Variants in DACH1 observed in about 807,000 individuals in gnomAD.
DACH1 encodes dachshund homolog 1.
Under a neutral mutation model 54.2 loss-of-function variants are expected in DACH1, and 12 were observed. The observed-to-expected ratio is 0.22, with a 90% CI of 0.14 to 0.36. DACH1 has a LOEUF of 0.36. DACH1 is among the 10% of genes least tolerant of loss of function. DACH1 has a pLI of 1.00. For synonymous variants in DACH1, 386 were observed against 366.2 expected, an observed-to-expected ratio of 1.05 and a Z score of -0.62; for missense variants, 805 against 929.8, an observed-to-expected ratio of 0.87 and a Z score of 1.75.
chr13:71,519,307 G>A (rs964496767), intron 6 of DACH1, among the ~76,000 whole-genome samples: 18 of 151,686 alleles, frequency 1.2e-4, no homozygotes, highest in African/African-American at 3.6e-4. Context: ...ATTCTATGAC[G>A]GGAAATAGTA....
At chr13:71,666,221 G>T (rs1334135087) in intron 2 of DACH1, among the ~76,000 whole-genome samples, 1 of 152,100 alleles carries the variant, frequency 6.6e-6, no homozygotes, top group African/African-American at 2.4e-5. Flanking sequence ...CTGACAAGTT[G>T]TTTTTACTTC....
intron 6 of DACH1, among the ~76,000 whole-genome samples, chr13:71,543,122 AAAC>A (rs2138336912): frequency 6.6e-6 from 1 of 152,280 alleles, no homozygotes; most frequent in Admixed American, 6.5e-5. Context: ...TTAAGTCAGG[AAAC>A]AACAAGGTCT....
Position 71,866,066 on chromosome 13 carries a change from C to T in DACH1, c.704G>A (p.Arg235Gln). Residue 235 changes from arginine to glutamine, a missense_variant, in exon 1 of 11, where the codon CGG becomes CAG. By Grantham distance (43) the Arg-to-Gln change is conservative. Transcript: ENST00000613252. The part of the protein sequence containing the change: ...GLHTVYTKLK[R>Q]LEITPVVCNV... The stretch of plus-strand genomic sequence containing the variant: ...GCACACCACCGGCGTGATCTCCAGC[C>T]GCTTCAGCTTGGTGTAGACCGTATG... The T allele has an allele frequency of 1.2e-6, 2 of 1,613,886 alleles. No individual in the cohort carries two copies. Among genetic ancestry groups the T allele is most frequent in the Non-Finnish European group, 8.5e-7 (1 of 1,179,978 alleles).
chr13:71,760,843 C>A (rs1289173096), intron 1 of DACH1, among the ~76,000 whole-genome samples: 1 of 152,124 alleles, frequency 6.6e-6, no homozygotes, highest in Non-Finnish European at 1.5e-5. Flanking sequence ...CTTCACTACC[C>A]ATCATCCACA....
At chr13:71,601,574 A>T (rs1186899618) in intron 3 of DACH1, among the ~76,000 whole-genome samples, 1 of 151,994 alleles carries the variant, frequency 6.6e-6, no homozygotes, top group Non-Finnish European at 1.5e-5. Context: ...TATTGGAGGA[A>T]CACCTGTAGG....
intron 3 of DACH1, among the ~76,000 whole-genome samples, chr13:71,579,319 TAAC>T (rs1885721420): frequency 6.6e-6 from 1 of 152,140 alleles, no homozygotes. Context: ...GTGCTGAAAG[TAAC>T]AATAAGTGAA....
chr13:71,526,427 C>T (rs933280675), intron 6 of DACH1, among the ~76,000 whole-genome samples: 2 of 151,886 alleles, frequency 1.3e-5, no homozygotes, highest in East Asian at 1.9e-4. Context: ...TAAAAGACAA[C>T]GGAAGTTGAA....
Position 71,866,524 on chromosome 13 carries a change from G to A in DACH1, c.246C>T (p.Ser82=), listed in dbSNP as rs1168019318. The change falls in exon 1 of 11, where the codon AGC becomes AGT. Residue 82 remains serine (S), a synonymous_variant. Transcript: ENST00000613252. ...TGCCGCTGCTGCCGCCGCCGCCTCC[G>A]CTGCCGCCGCCGCCGCCGCCGCCGC... is the stretch of plus-strand genomic sequence containing the variant. ...STGGGGGGGG[S]GGGGGSSGNG... 2 of 1,225,236 alleles carry A rather than the reference G, an allele frequency of 1.6e-6. No individual in the cohort carries two copies. Among genetic ancestry groups the A allele is most frequent in the Non-Finnish European group, 2.0e-6 (2 of 989,010 alleles). The allele number at this position is 1,225,236 out of a possible 1,614,324, so 75.9% of individuals were successfully genotyped here.
intron 1 of DACH1, chr13:71,704,629 C>A (rs759424148): frequency 7.4e-6 from 3 of 406,528 alleles, no homozygotes; most frequent in Non-Finnish European, 4.9e-6. Flanking sequence ...GCTGCTGGAA[C>A]CTCTTCCCTG....
At chr13:71,561,802 T>G (rs1884601890) in intron 4 of DACH1, among the ~76,000 whole-genome samples, 1 of 152,114 alleles carries the variant, frequency 6.6e-6, no homozygotes, top group African/African-American at 2.4e-5. Flanking sequence ...CTTTTAATTT[T>G]TCAATGATGT....
At chr13:71,466,718 C>T (rs559292021) in intron 10 of DACH1, among the ~76,000 whole-genome samples, 2 of 151,944 alleles carry the variant, frequency 1.3e-5, no homozygotes, top group Admixed American at 6.6e-5. Context: ...TCACACACAA[C>T]GTCTGTGGTC....
chr13:71,588,209 T>G lies in DACH1; in HGVS notation c.1127-15197A>C, dbSNP rs1357002420. Among the ~76,000 whole-genome samples, 3 of 152,082 alleles carry G rather than the reference T, an allele frequency of 2.0e-5. No homozygotes were observed. The South Asian group carries it at 6.2e-4, about 31-fold the overall frequency. On this transcript the variant is annotated intron_variant, in intron 3 of 10. Transcript: ENST00000613252. Reference sequence around the variant, plus strand: ...TATGAATTTTTCTTTGTCATGAAAATACTGCAGCTTTATCACAGGACATAG... The same window carrying G: ...TATGAATTTTTCTTTGTCATGAAAAGACTGCAGCTTTATCACAGGACATAG...
intron 1 of DACH1, among the ~76,000 whole-genome samples, chr13:71,835,938 C>G (rs1888766856): frequency 6.6e-6 from 1 of 151,900 alleles, no homozygotes; most frequent in South Asian, 2.1e-4. Flanking sequence ...ATATTTATAC[C>G]TCTTAATACA....
intron 1 of DACH1, among the ~76,000 whole-genome samples, chr13:71,716,687 A>G (rs968426543): frequency 2.0e-5 from 3 of 152,160 alleles, no homozygotes; most frequent in Non-Finnish European, 4.4e-5. Flanking sequence ...TAGTCTGCCA[A>G]CAAAACCTTT....
intron 4 of DACH1, among the ~76,000 whole-genome samples, chr13:71,563,697 C>T (rs1481928035): frequency 2.0e-5 from 3 of 151,486 alleles, no homozygotes; most frequent in African/African-American, 4.8e-5. Flanking sequence ...ATGTAAAATG[C>T]ATTTTAAAAG....
intron 3 of DACH1, among the ~76,000 whole-genome samples, chr13:71,608,885 T>G (rs2138511067): frequency 6.6e-6 from 1 of 152,212 alleles, no homozygotes; most frequent in African/African-American, 2.4e-5. Context: ...ATGGGCATAG[T>G]TTGAGGATAT....
intron 1 of DACH1, among the ~76,000 whole-genome samples, chr13:71,842,537 C>A (rs777904221): frequency 6.6e-6 from 1 of 151,934 alleles, no homozygotes; most frequent in Non-Finnish European, 1.5e-5. Context: ...GTGATCAGAC[C>A]ACTGCACTTC....
chr13:71,720,276 G>A (rs1212944254), intron 1 of DACH1, among the ~76,000 whole-genome samples: 2 of 152,146 alleles, frequency 1.3e-5, no homozygotes, highest in Non-Finnish European at 1.5e-5. Context: ...GACTCCAGGA[G>A]GCTGGCAGAC....
At chr13:71,712,247 C>T (rs970370391) in intron 1 of DACH1, among the ~76,000 whole-genome samples, 3 of 151,736 alleles carry the variant, frequency 2.0e-5, no homozygotes, top group Non-Finnish European at 4.4e-5. Flanking sequence ...GAAATTAAAT[C>T]TTTTTTTCTT....
Sources: allele counts gnomAD v4.1 joint callset (sites outside exome capture counted in the v4.1 genomes callset), GRCh38; gene constraint gnomAD v4.1.1; transcripts MANE v1.5; gene names NCBI Gene and HGNC (gene_info 2026-07-23, HGNC 2026-07-21).